RFPL4AL1: variants seen among roughly 807,000 people sequenced by gnomAD.
The protein encoded by RFPL4AL1 is ret finger protein-like 4A-like protein 1.
Under a neutral mutation model 8.2 loss-of-function variants are expected in RFPL4AL1, and 2 were observed. That is an observed-to-expected ratio of 0.24 (90% CI 0.10 to 0.77). RFPL4AL1 has a LOEUF of 0.77. RFPL4AL1 is among the 30% of genes least tolerant of loss of function. The probability of loss-of-function intolerance (pLI) is 0.72; values close to 1 mark genes in which losing one functional copy is unlikely to be tolerated. For synonymous variants in RFPL4AL1, 25 were observed against 131.8 expected, an observed-to-expected ratio of 0.19 and a Z score of 5.55; for missense variants, 57 against 350.3, an observed-to-expected ratio of 0.16 and a Z score of 6.68.
At chr19:55,770,112 C>G (rs1285280426) in intron 1 of RFPL4AL1, among the ~76,000 whole-genome samples, 1 of 151,962 alleles carries the variant, frequency 6.6e-6, no homozygotes, top group Non-Finnish European at 1.5e-5. Flanking sequence ...TTTTCAGAAA[C>G]CTCCCTACTA....
In RFPL4AL1 at chr19:55,770,610, C is replaced by T. The variant is rs562770029; in HGVS notation, c.-9-1186C>T. Among the ~76,000 whole-genome samples the T allele has an allele frequency of 2.2e-3, 339 of 151,796 alleles. 1 individual carries two copies. Among genetic ancestry groups the T allele is most frequent in the African/African-American group, 6.6e-3 (271 of 41,310 alleles). On this transcript the variant is annotated intron_variant, in intron 1 of 2. Transcript: ENST00000341750. ...TACATATGGGCATGCTGGGGTCAGC[C>T]GTGACACTGCAGAGTGTGTGATTTA...
In RFPL4AL1 at chr19:55,772,260, T is replaced by C. The variant is rs1989514279; in HGVS notation, c.286+170T>C. 5.3e-5 allele frequency among the ~76,000 whole-genome samples: 7 copies of C among 132,140 alleles called. No homozygotes were observed. In the South Asian group the frequency reaches 1.6e-3, roughly 29 times the overall value. 86.7% of individuals were successfully genotyped at this position (132,140 alleles called of 152,430 possible). ...TGCGTAGAGATTTTCATGGAATCTG[T>C]GCAAGTTTGTAGAATACTTTGGAGA... On this transcript the variant is annotated intron_variant, in intron 2 of 2. Transcript: ENST00000341750.
chr19:55,772,128 G>A lies in RFPL4AL1; in HGVS notation c.286+38G>A, dbSNP rs531166170. 2.3e-3 allele frequency: 3,439 copies of A among 1,480,632 alleles called. 19 individuals carry two copies. The highest frequency in any genetic ancestry group is 2.9e-3 in the Non-Finnish European group (3,129 of 1,094,614). The allele number at this position is 1,480,632 out of a possible 1,614,324, so 91.7% of individuals were successfully genotyped here. Reference sequence around the variant, plus strand: ...TAGGACCTGCCACAACCCATAAAAGGCACTGGGAAAACGACTTTCAAACAT... The same window carrying A: ...TAGGACCTGCCACAACCCATAAAAGACACTGGGAAAACGACTTTCAAACAT... On this transcript the variant is annotated intron_variant, in intron 2 of 2. Coordinates refer to ENST00000341750, the MANE Select transcript of RFPL4AL1 (RefSeq NM_001277397.2).
In RFPL4AL1 at chr19:55,770,130, TA is replaced by T. The variant is rs1265529986; in HGVS notation, c.-10+956del. 1.5e-4 allele frequency among the ~76,000 whole-genome samples: 23 copies of T among 152,076 alleles called. No homozygotes were observed. In the South Asian group the frequency reaches 4.8e-3, roughly 32 times the overall value. On this transcript the variant is annotated intron_variant, in intron 1 of 2. Coordinates refer to ENST00000341750, the MANE Select transcript of RFPL4AL1 (RefSeq NM_001277397.2). ...TCAGAAACCTCCCTACTATTTTCTG[TA>T]GTGGTTGTACCAATTTTCTTTCCCA...
rs1442171314 is a variant in RFPL4AL1 at position 55,772,825 on chromosome 19, A to C, written c.510A>C (p.Glu170Asp). The change falls in exon 3 of 3, where the codon GAA (glutamate) becomes GAC (aspartate). Residue 170 changes from glutamate to aspartate, a missense_variant. Transcript: ENST00000341750. ...SQVWDVGVCK[E>D]SVNRQGKIEL... Reference sequence around the variant, plus strand: ...TGTGGGATGTGGGCGTGTGCAAGGAATCTGTCAACCGACAGGGGAAGATTG... The same window carrying C: ...TGTGGGATGTGGGCGTGTGCAAGGACTCTGTCAACCGACAGGGGAAGATTG... 1 of 1,548,964 alleles carries C rather than the reference A, an allele frequency of 6.5e-7. No individual in the cohort carries two copies. The highest frequency in any genetic ancestry group is 8.7e-7 in the Non-Finnish European group (1 of 1,145,518).
chr19:55,769,659 G>A (rs544739019), intron 1 of RFPL4AL1, among the ~76,000 whole-genome samples: 1 of 151,894 alleles, frequency 6.6e-6, no homozygotes, highest in South Asian at 2.1e-4. Context: ...CCAGATGCTG[G>A]GACCCACCTC....
intron 1 of RFPL4AL1, among the ~76,000 whole-genome samples, chr19:55,771,079 G>GT (rs1243816491): frequency 0.037 from 3,083 of 84,168 alleles, 5 homozygotes; most frequent in Non-Finnish European, 0.061. Context: ...TTTTAGTTCT[G>GT]TTTTTTGTTT....
At chr19:55,769,622 T>A (rs1989452400) in intron 1 of RFPL4AL1, among the ~76,000 whole-genome samples, 1 of 151,914 alleles carries the variant, frequency 6.6e-6, no homozygotes. Context: ...AACGTTTGTT[T>A]AAATTACTAT....
intron 1 of RFPL4AL1, among the ~76,000 whole-genome samples, chr19:55,769,828 A>G (rs1989456366): frequency 6.6e-6 from 1 of 151,754 alleles, no homozygotes; most frequent in Admixed American, 6.6e-5. Flanking sequence ...CCTCAGCCTC[A>G]CTTATTTCAC....
intron 1 of RFPL4AL1, among the ~76,000 whole-genome samples, chr19:55,770,010 G>A (rs1237857859): frequency 6.6e-6 from 1 of 151,996 alleles, no homozygotes. Flanking sequence ...GAACCTAAGA[G>A]TGCAGATATC....
chr19:55,769,166 AG>A lies in RFPL4AL1; in HGVS notation c.-18del, dbSNP rs1185637162. 2.0e-5 allele frequency: 3 copies of A among 153,410 alleles called. No homozygotes were observed. The allele number at this position is 153,410 out of a possible 1,614,324, so 9.5% of individuals were successfully genotyped here. A position where few individuals can be genotyped will look rare whatever the true frequency, so the allele number is the denominator to read the frequency against. ...AGCTGGAGGCCAGGGGAGAAACTCC[AG>A]AAGGAGAGGTGAGTTCAATCTTATG... is the stretch of plus-strand genomic sequence containing the variant. On this transcript the variant is annotated 5_prime_UTR_variant, in exon 1 of 3. Transcript: ENST00000341750.
chr19:55,771,629 G>A (rs1384075678), intron 1 of RFPL4AL1, among the ~76,000 whole-genome samples, 167 bp from the exon 2 acceptor site: 1 of 137,196 alleles, frequency 7.3e-6, no homozygotes, highest in Non-Finnish European at 1.7e-5. Context: ...TCAGGGCCTC[G>A]AGTCATTGAC....
intron 1 of RFPL4AL1, among the ~76,000 whole-genome samples, chr19:55,771,530 C>T (rs3973382): frequency 0.42 from 52,318 of 123,920 alleles, 8,456 homozygotes; most frequent in Admixed American, 0.5. Flanking sequence ...TATGAAACAG[C>T]CCAGGTGTAG....
At chr19:55,771,748 A>C (rs1207515684) in intron 1 of RFPL4AL1, 48 bp from the exon 2 acceptor site, 7 of 1,549,444 alleles carry the variant, frequency 4.5e-6, no homozygotes, top group Non-Finnish European at 5.2e-6. Flanking sequence ...TCAGCTGTTC[A>C]TTCAGCTCGT....
intron 1 of RFPL4AL1, 94 bp from the exon 2 acceptor site, chr19:55,771,702 G>A (rs1364557421): frequency 7.8e-7 from 1 of 1,285,664 alleles, no homozygotes. Context: ...TGCCATGATA[G>A]CTCCATGCAT....
chr19:55,769,958 C>T lies in RFPL4AL1; in HGVS notation c.-10+783C>T, dbSNP rs114882950. ...TCCTCATCTATTTTTCTCTCACAGA[C>T]GCTGGGGTTGTTTCCATGGCTGTTG... On this transcript the variant is annotated intron_variant, in intron 1 of 2. Coordinates refer to ENST00000341750, the MANE Select transcript of RFPL4AL1 (RefSeq NM_001277397.2). Among the ~76,000 whole-genome samples, 1,343 of 151,952 alleles carry T rather than the reference C, an allele frequency of 8.8e-3. 27 individuals are homozygous for T. Among genetic ancestry groups the T allele is most frequent in the African/African-American group, 0.031 (1,288 of 41,368 alleles).
Position 55,772,071 on chromosome 19 carries a change from A to G in RFPL4AL1, c.267A>G (p.Pro89=), listed in dbSNP as rs1229849356. ...TGAAATCTGTTCTAACAATGAACCC[A>G]AGGATGAGGAAGTTTCAAGGTAAGG... is the stretch of plus-strand genomic sequence containing the variant. ...PKLKSVLTMN[P]RMRKFQVDMT... The change falls in exon 2 of 3, where the codon CCA becomes CCG. Residue 89 remains proline (P), a synonymous_variant. Coordinates refer to ENST00000341750, the MANE Select transcript of RFPL4AL1 (RefSeq NM_001277397.2). 4.8e-6 allele frequency: 7 copies of G among 1,457,574 alleles called. No homozygotes were observed. The highest frequency in any genetic ancestry group is 5.5e-6 in the Non-Finnish European group (6 of 1,086,118). The allele number at this position is 1,457,574 out of a possible 1,614,324, so 90.3% of individuals were successfully genotyped here.
intron 1 of RFPL4AL1, among the ~76,000 whole-genome samples, chr19:55,771,097 T>G (rs1314050559): frequency 6.7e-6 from 1 of 149,348 alleles, no homozygotes; most frequent in Non-Finnish European, 1.5e-5. Flanking sequence ...TTTTTTTTTT[T>G]TTTTTTTTCC....
chr19:55,770,473 T>A (rs1270507101), intron 1 of RFPL4AL1, among the ~76,000 whole-genome samples: 1 of 151,716 alleles, frequency 6.6e-6, no homozygotes, highest in Non-Finnish European at 1.5e-5. Context: ...TTCAAAGGAG[T>A]TTGGGGTTTC....
Sources: allele counts gnomAD v4.1 joint callset (sites outside exome capture counted in the v4.1 genomes callset), GRCh38; gene constraint gnomAD v4.1.1; transcripts MANE v1.5; gene names NCBI Gene and HGNC (gene_info 2026-07-23, HGNC 2026-07-21).